ARHGAP10: variants seen among roughly 807,000 people sequenced by gnomAD.
The protein encoded by ARHGAP10 is rho GTPase-activating protein 10.
In ARHGAP10, 87 loss-of-function variants were observed where a neutral mutation model predicts 108.6. The ratio of observed to expected loss-of-function variants is 0.80; its 90% CI spans 0.67 to 0.96. The LOEUF (loss-of-function observed/expected upper bound fraction) is 0.96, where lower values mean the gene tolerates loss of function less well. Ranked by LOEUF, ARHGAP10 falls within the 40% of genes least tolerant of loss-of-function variation. ARHGAP10 has a pLI of 0.00. For missense variants in ARHGAP10, 939 were observed against 954.5 expected (o/e 0.98, Z 0.21); for synonymous variants, 347 against 341.1 (o/e 1.02, Z -0.19).
intron 13 of ARHGAP10, among the ~76,000 whole-genome samples, chr4:147,922,199 G>A (rs1289105575): frequency 2.6e-5 from 4 of 152,082 alleles, no homozygotes; most frequent in African/African-American, 9.7e-5. Context: ...GGACCCGAGG[G>A]CCATCAGGCA....
chr4:147,856,840 G>T (rs887474033), intron 4 of ARHGAP10, among the ~76,000 whole-genome samples: 1 of 151,984 alleles, frequency 6.6e-6, no homozygotes, highest in African/African-American at 2.4e-5. Flanking sequence ...ATGATTTTTT[G>T]AAAATCTAGA....
At chr4:147,825,073 G>A (rs185886115) in intron 3 of ARHGAP10, among the ~76,000 whole-genome samples, 1 of 152,264 alleles carries the variant, frequency 6.6e-6, no homozygotes, top group Admixed American at 6.5e-5. Context: ...GGCTTCGTAG[G>A]TGTCACTCTA....
In ARHGAP10 at chr4:147,946,461, T is replaced by G. The variant is rs1738382583; in HGVS notation, c.1304-156T>G. On this transcript the variant is annotated intron_variant, in intron 14 of 22. Transcript: ENST00000336498. ...GAAGTGTCTAGTCATAGAACATAGC[T>G]TATAGTATTTTAGAGAAATCATATA... is the stretch of plus-strand genomic sequence containing the variant. 5.5e-5 allele frequency: 32 copies of G among 582,372 alleles called. No individual in the cohort carries two copies. The East Asian group carries it at 9.4e-4, about 17-fold the overall frequency. The allele number at this position is 582,372 out of a possible 1,614,324, so 36.1% of individuals were successfully genotyped here. A position where few individuals can be genotyped will look rare whatever the true frequency, so the allele number is the denominator to read the frequency against.
At chr4:147,734,077 C>T (rs1230591522) in intron 1 of ARHGAP10, among the ~76,000 whole-genome samples, 1 of 151,912 alleles carries the variant, frequency 6.6e-6, no homozygotes, top group Non-Finnish European at 1.5e-5. Context: ...AGAGTGAACA[C>T]GAGAGAATGA....
At chr4:147,849,446 T>C (rs910738856) in intron 4 of ARHGAP10, among the ~76,000 whole-genome samples, 1 of 152,220 alleles carries the variant, frequency 6.6e-6, no homozygotes, top group Non-Finnish European at 1.5e-5. Flanking sequence ...TAAATCTGCT[T>C]ACATGGGATA....
At chr4:147,981,961 G>T (rs1475525638) in intron 18 of ARHGAP10, among the ~76,000 whole-genome samples, 1 of 152,190 alleles carries the variant, frequency 6.6e-6, no homozygotes, top group Non-Finnish European at 1.5e-5. Context: ...GTGATCATAT[G>T]TGAGATGGGT....
At chr4:147,837,650 T>TTTGTTTTTTTTTTTTTTG (rs1733228735) in intron 3 of ARHGAP10, among the ~76,000 whole-genome samples, 5 of 112,006 alleles carry the variant, frequency 4.5e-5, no homozygotes, top group Admixed American at 1.2e-4. Flanking sequence ...ACTGTTTTTT[T>TTTGTTTTTTTTTTTTTTG]TTTTTTTTTT....
At chr4:147,859,404 C>G (rs1734224283) in intron 5 of ARHGAP10, among the ~76,000 whole-genome samples, 1 of 151,652 alleles carries the variant, frequency 6.6e-6, no homozygotes, top group Admixed American at 6.6e-5. Context: ...TCCTGTGTAG[C>G]TGGGATTACA....
rs557510552 is a variant in ARHGAP10, at chr4:147,932,779, C to A, written c.1229-7046C>A. Reference sequence around the variant, plus strand: ...ACGTTTACTTATGTAACCTGTACATCCTGCACATGTACCTCTGAACTTAAA... The same window carrying A: ...ACGTTTACTTATGTAACCTGTACATACTGCACATGTACCTCTGAACTTAAA... On this transcript the variant is annotated intron_variant, in intron 13 of 22. Transcript: ENST00000336498. 3.9e-5 allele frequency among the ~76,000 whole-genome samples: 6 copies of A among 152,208 alleles called. No individual in the cohort carries two copies. In the South Asian group the frequency reaches 1.2e-3, roughly 32 times the overall value.
intron 5 of ARHGAP10, chr4:147,864,257 C>A (rs1221331106): frequency 6.6e-6 from 1 of 152,430 alleles, no homozygotes; most frequent in Non-Finnish European, 1.5e-5. Context: ...CCCCTTCTCT[C>A]CCAGGGGATC....
rs1009968494 is a variant in ARHGAP10 at position 148,035,151 on chromosome 4, T to G, written c.1867+11738T>G. On this transcript the variant is annotated intron_variant, in intron 19 of 22. Transcript: ENST00000336498. ...TTATTTTTTGTCATGTGATTGGTTTTAACAGCTGATTCTCTCATCAGCTTT... is the reference window on the plus strand; with the variant it reads ...TTATTTTTTGTCATGTGATTGGTTTGAACAGCTGATTCTCTCATCAGCTTT... 2.0e-5 allele frequency among the ~76,000 whole-genome samples: 3 copies of G among 152,238 alleles called. No individual in the cohort carries two copies. In the East Asian group the frequency reaches 5.8e-4, roughly 29 times the overall value.
intron 10 of ARHGAP10, among the ~76,000 whole-genome samples, chr4:147,905,090 T>G (rs1478563983): frequency 6.6e-6 from 1 of 152,204 alleles, no homozygotes; most frequent in East Asian, 1.9e-4. Context: ...TTTGTTTTTT[T>G]CTTGTAAATT....
intron 22 of ARHGAP10, 138 bp downstream of exon 22, chr4:148,064,645 G>A: frequency 1.4e-6 from 1 of 706,970 alleles, no homozygotes; most frequent in East Asian, 2.8e-5. Flanking sequence ...GGATTAAGCG[G>A]CTGCGTTAGG....
intron 8 of ARHGAP10, among the ~76,000 whole-genome samples, chr4:147,877,648 T>C (rs1324318105): frequency 1.3e-5 from 2 of 152,282 alleles, no homozygotes; most frequent in Middle Eastern, 3.4e-3. Flanking sequence ...TGGACTTTTA[T>C]TGGCATGTGA....
chr4:147,808,038 C>G (rs996321142), intron 1 of ARHGAP10, among the ~76,000 whole-genome samples: 3 of 152,190 alleles, frequency 2.0e-5, no homozygotes, highest in African/African-American at 7.2e-5. Flanking sequence ...ATAATTATTT[C>G]TTACATGTCT....
intron 4 of ARHGAP10, among the ~76,000 whole-genome samples, chr4:147,848,691 T>C (rs1156584063): frequency 6.6e-6 from 1 of 152,240 alleles, no homozygotes; most frequent in East Asian, 1.9e-4. Context: ...GACGGTTATA[T>C]TATGGAAATG....
In ARHGAP10 at chr4:147,774,546, T is replaced by C. The variant is rs543691018; in HGVS notation, c.154+42091T>C. On this transcript the variant is annotated intron_variant, in intron 1 of 22. Transcript: ENST00000336498. ...TTTTCTTCCCCTCAGGTTTCTTTAT[T>C]CTATAACATATTTACTTATTTATTA... is the stretch of plus-strand genomic sequence containing the variant. 5.6e-4 allele frequency among the ~76,000 whole-genome samples: 86 copies of C among 152,358 alleles called. No individual in the cohort carries two copies. The South Asian group carries it at 0.017, about 30-fold the overall frequency.
At chr4:148,003,780 C>A (rs1442398899) in intron 18 of ARHGAP10, among the ~76,000 whole-genome samples, 1 of 151,964 alleles carries the variant, frequency 6.6e-6, no homozygotes, top group Admixed American at 6.6e-5. Context: ...TTCCTCCATC[C>A]CTTTATTTTG....
intron 1 of ARHGAP10, among the ~76,000 whole-genome samples, chr4:147,756,073 T>C (rs934051488): frequency 1.3e-5 from 2 of 151,356 alleles, no homozygotes; most frequent in Non-Finnish European, 2.9e-5. Context: ...ATTTCTTGCC[T>C]TTTTCCTCAT....
Sources: allele counts gnomAD v4.1 joint callset (sites outside exome capture counted in the v4.1 genomes callset), GRCh38; gene constraint gnomAD v4.1.1; transcripts MANE v1.5; gene names NCBI Gene and HGNC (gene_info 2026-07-23, HGNC 2026-07-21).